ANKRD31: variants seen among roughly 807,000 people sequenced by gnomAD.
ANKRD31 encodes the protein ankyrin repeat domain 31.
In ANKRD31, 147 loss-of-function variants were observed where a neutral mutation model predicts 186.0. The observed-to-expected ratio is 0.79, with a 90% confidence interval of 0.69 to 0.91. The LOEUF (loss-of-function observed/expected upper bound fraction) is 0.91. Ranked by LOEUF, ANKRD31 falls within the 40% of genes least tolerant of loss-of-function variation. The pLI, the probability that ANKRD31 is intolerant of heterozygous loss-of-function variation, is 0.00. For synonymous variants in ANKRD31, 673 were observed against 736.4 expected, an observed-to-expected ratio of 0.91 and a Z score of 1.39; for missense variants, 1,986 against 2,148.8, an observed-to-expected ratio of 0.92 and a Z score of 1.50.
chr5:75,102,704 GC>G (rs1747004127), intron 22 of ANKRD31, among the ~76,000 whole-genome samples: 1 of 152,202 alleles, frequency 6.6e-6, no homozygotes, highest in Admixed American at 6.5e-5. Context: ...AGTGAGTGAG[GC>G]TCTGTGGGCA....
chr5:75,081,684 C>CAGAGAGAGAGAGAGACAG (rs1554066973), intron 24 of ANKRD31, among the ~76,000 whole-genome samples: 3 of 137,498 alleles, frequency 2.2e-5, no homozygotes, highest in Admixed American at 7.5e-5. Context: ...GGGGAGGAGG[C>CAGAGAGAGAGAGAGACAG]AGAGAGAGAG....
At chr5:75,076,488 T>G (rs1744660955) in intron 25 of ANKRD31, among the ~76,000 whole-genome samples, 1 of 152,202 alleles carries the variant, frequency 6.6e-6, no homozygotes, top group Non-Finnish European at 1.5e-5. Context: ...CCATGCGATC[T>G]CTGGGCATGC....
At chr5:75,224,140 T>TAC (rs1484852729) in intron 2 of ANKRD31, among the ~76,000 whole-genome samples, 4 of 60,028 alleles carry the variant, frequency 6.7e-5, no homozygotes, top group East Asian at 4.1e-4. Context: ...TATATATATA[T>TAC]ATATATATAT....
chr5:75,100,961 T>A (rs1746813490), intron 22 of ANKRD31, among the ~76,000 whole-genome samples: 1 of 152,204 alleles, frequency 6.6e-6, no homozygotes. Flanking sequence ...TTTGATCCTG[T>A]TATTATGATG....
chr5:75,133,699 C>A (rs34266270), intron 17 of ANKRD31, among the ~76,000 whole-genome samples: 4 of 152,200 alleles, frequency 2.6e-5, no homozygotes, highest in Non-Finnish European at 4.4e-5. Context: ...CACCCCAAAT[C>A]AACAGAATAT....
rs1757483995 is a variant in ANKRD31 at position 75,224,143 on chromosome 5, A to ATATATATATATATATG, written c.179-1786_179-1785insCATATATATATATATA. On this transcript the variant is annotated intron_variant, in intron 2 of 25. Coordinates refer to ENST00000506364, the MANE Select transcript of ANKRD31 (RefSeq NM_001372053.1). Reference sequence around the variant, plus strand: ...CTCAGAAATAATTATATATATATATATATATATATATATATATGTATATAT... The same window carrying ATATATATATATATATG: ...CTCAGAAATAATTATATATATATATATATATATATATATATGTATATATATATATATATGTATATAT... Among the ~76,000 whole-genome samples the ATATATATATATATATG allele has an allele frequency of 1.2e-4, 8 of 65,334 alleles. 1 individual carries two copies. In the South Asian group the frequency reaches 2.1e-3, roughly 17 times the overall value. 42.9% of individuals were successfully genotyped at this position (65,334 alleles called of 152,430 possible). A position where few individuals can be genotyped will look rare whatever the true frequency, so the allele number is the denominator to read the frequency against.
chr5:75,132,246 T>C (rs1005454466), intron 17 of ANKRD31, among the ~76,000 whole-genome samples: 2 of 152,128 alleles, frequency 1.3e-5, no homozygotes, highest in African/African-American at 4.8e-5. Context: ...CTCAAACTCA[T>C]CGCAAAGAAC....
At chr5:75,081,039 G>A (rs1362715479) in intron 24 of ANKRD31, among the ~76,000 whole-genome samples, 1 of 152,144 alleles carries the variant, frequency 6.6e-6, no homozygotes, top group African/African-American at 2.4e-5. Flanking sequence ...TTGTAATAGG[G>A]TTAGAGAGTT....
chr5:75,099,406 T>C (rs1265296193), intron 22 of ANKRD31, among the ~76,000 whole-genome samples: 1 of 152,088 alleles, frequency 6.6e-6, no homozygotes, highest in African/African-American at 2.4e-5. Context: ...TTTTGTTGTT[T>C]CTCTGCCAGG....
rs1422532130 is a variant in ANKRD31 at position 75,146,377 on chromosome 5, A to T, written c.3034T>A (p.Cys1012Ser). 2 of 1,536,508 alleles carry T rather than the reference A, an allele frequency of 1.3e-6. No homozygotes were observed. The highest frequency in any genetic ancestry group is 2.7e-5 in the African/African-American group (2 of 73,008). Residue 1012 changes from cysteine to serine, a missense_variant, in exon 14 of 26, where the codon TGT becomes AGT. Coordinates refer to ENST00000506364, the MANE Select transcript of ANKRD31 (RefSeq NM_001372053.1). ...NGNPEQNSLA[C>S]MRTLLTHEAS... ...TCATGTGTCAAAAGTGTTCTCATAC[A>T]AGCCAGGGAATTTTGCTCAGGATTG... is the stretch of plus-strand genomic sequence containing the variant.
At chr5:75,073,867 AT>A (rs1053604417) in intron 25 of ANKRD31, among the ~76,000 whole-genome samples, 2 of 152,076 alleles carry the variant, frequency 1.3e-5, no homozygotes, top group African/African-American at 4.8e-5. Context: ...TTTTTAAAAA[AT>A]TTTTTTTAAA....
chr5:75,181,881 A>G (rs961903547), intron 10 of ANKRD31, among the ~76,000 whole-genome samples: 1 of 124,186 alleles, frequency 8.1e-6, no homozygotes, highest in Non-Finnish European at 1.6e-5. Flanking sequence ...ACTTAAAAGT[A>G]TAATAGTAAT....
At chr5:75,082,494 T>C (rs528396605) in intron 24 of ANKRD31, among the ~76,000 whole-genome samples, 12 of 152,216 alleles carry the variant, frequency 7.9e-5, no homozygotes, top group Admixed American at 4.6e-4. Flanking sequence ...TAGTTATGGC[T>C]GTTATTCAGA....
intron 17 of ANKRD31, among the ~76,000 whole-genome samples, chr5:75,122,439 T>A (rs773463772): frequency 9.9e-5 from 15 of 151,554 alleles, no homozygotes; most frequent in Admixed American, 1.3e-4. Flanking sequence ...GAAGCCAGTA[T>A]CACCCTGACA....
At chr5:75,192,926 G>T in intron 8 of ANKRD31, 150 bp from the exon 9 acceptor site, 1 of 637,030 alleles carries the variant, frequency 1.6e-6, no homozygotes, top group Non-Finnish European at 2.6e-6. Context: ...TACGGAGATG[G>T]CTCCTGCAGG....
At chr5:75,188,098 A>G (rs1754860116) in intron 10 of ANKRD31, among the ~76,000 whole-genome samples, 1 of 152,000 alleles carries the variant, frequency 6.6e-6, no homozygotes, top group Admixed American at 6.6e-5. Flanking sequence ...CCTGCTGTAC[A>G]TCTACCATTT....
At chr5:75,229,462 G>A (rs956498436) in intron 2 of ANKRD31, among the ~76,000 whole-genome samples, 2 of 152,138 alleles carry the variant, frequency 1.3e-5, no homozygotes, top group Non-Finnish European at 2.9e-5. Flanking sequence ...CCCCAGTGCT[G>A]TCGCTAGTCT....
At chr5:75,118,573 T>C (rs1328649489) in intron 17 of ANKRD31, among the ~76,000 whole-genome samples, 3 of 152,182 alleles carry the variant, frequency 2.0e-5, no homozygotes, top group Admixed American at 6.6e-5. Flanking sequence ...CAGTTCTAGA[T>C]CGGTACTGCC....
At position 75,146,147 on chromosome 5, in the gene ANKRD31, T is replaced by C; in HGVS notation, c.3264A>G (p.Gln1088=). The change falls in exon 14 of 26, where the codon CAA becomes CAG. Residue 1088 remains glutamine (Q), a synonymous_variant. Transcript: ENST00000506364. ...TTTCAACTTTAGTTGTTTCTATTACTTGAGAATGAGCAACTATGGATAAAG... is the reference window on the plus strand; with the variant it reads ...TTTCAACTTTAGTTGTTTCTATTACCTGAGAATGAGCAACTATGGATAAAG... The part of the protein sequence containing the change: ...NEPLSIVAHS[Q]VIETTKVEKR... 1 of 1,536,122 alleles carries C rather than the reference T, an allele frequency of 6.5e-7. No individual in the cohort carries two copies. Among genetic ancestry groups the C allele is most frequent in the Non-Finnish European group, 8.7e-7 (1 of 1,146,306 alleles).
Sources: allele counts gnomAD v4.1 joint callset (sites outside exome capture counted in the v4.1 genomes callset), GRCh38; gene constraint gnomAD v4.1.1; transcripts MANE v1.5; gene names NCBI Gene and HGNC (gene_info 2026-07-23, HGNC 2026-07-21).